SCLT1: variants seen among roughly 807,000 people sequenced by gnomAD.
The protein encoded by SCLT1 is sodium channel-associated protein 1.
In SCLT1, 78 loss-of-function variants were observed where a neutral mutation model predicts 112.8. The observed-to-expected ratio is 0.69, with a 90% CI of 0.58 to 0.83. The LOEUF is 0.83. SCLT1 is among the 40% of genes least tolerant of loss of function. The pLI is 0.00. For synonymous variants in SCLT1, 257 were observed against 254.7 expected (o/e 1.01, Z -0.09); for missense variants, 747 against 770.4 (o/e 0.97, Z 0.36).
chr4:128,942,963 T>G, intron 17 of SCLT1, 33 bp downstream of exon 17: 1 of 1,477,530 alleles, frequency 6.8e-7, no homozygotes, highest in Non-Finnish European at 9.3e-7. Flanking sequence ...TTGATTTTCA[T>G]AAGTACACAT....
chr4:129,025,345 G>A (rs1277350772), intron 5 of SCLT1, among the ~76,000 whole-genome samples: 8 of 152,210 alleles, frequency 5.3e-5, no homozygotes, highest in Non-Finnish European at 1.2e-4. Flanking sequence ...ACTAACAGCG[G>A]ATCTCTTGGC....
chr4:129,070,399 T>C (rs925269375), intron 2 of SCLT1, among the ~76,000 whole-genome samples: 7 of 152,128 alleles, frequency 4.6e-5, no homozygotes, highest in African/African-American at 1.7e-4. Flanking sequence ...ACTTTTTTTT[T>C]TGTTGGTAAT....
intron 15 of SCLT1, among the ~76,000 whole-genome samples, chr4:128,948,235 C>G (rs1005652934): frequency 1.4e-5 from 2 of 147,042 alleles, no homozygotes; most frequent in African/African-American, 5.0e-5. Context: ...ACTCAGGAGG[C>G]TGAGGCAGGA....
chr4:129,062,614 G>C (rs906871156), intron 2 of SCLT1, among the ~76,000 whole-genome samples: 5 of 152,014 alleles, frequency 3.3e-5, no homozygotes, highest in Middle Eastern at 3.2e-3. Flanking sequence ...TGCTTGTCTA[G>C]GAAAAGCTTT....
intron 5 of SCLT1, among the ~76,000 whole-genome samples, chr4:129,022,245 T>C (rs930871564): frequency 6.6e-6 from 1 of 152,102 alleles, no homozygotes; most frequent in Non-Finnish European, 1.5e-5. Context: ...CTGCTCCAAA[T>C]GATTGCAACT....
intron 18 of SCLT1, among the ~76,000 whole-genome samples, chr4:128,912,028 G>A (rs1355935684): frequency 1.3e-5 from 2 of 152,160 alleles, no homozygotes; most frequent in African/African-American, 2.4e-5. Context: ...GCAGGATGCT[G>A]AGCCCTAACC....
chr4:129,023,934 T>A (rs1410848003), intron 5 of SCLT1, among the ~76,000 whole-genome samples: 1 of 152,208 alleles, frequency 6.6e-6, no homozygotes, highest in Non-Finnish European at 1.5e-5. Flanking sequence ...TCTCGCTGAT[T>A]GCTAGCACAG....
chr4:129,044,141 A>C (rs1267586827), intron 2 of SCLT1, 90 bp from the exon 3 acceptor site: 1 of 655,634 alleles, frequency 1.5e-6, no homozygotes, highest in African/African-American at 1.9e-5. Context: ...TTAAATTTTC[A>C]TAATCTTAGA....
intron 18 of SCLT1, among the ~76,000 whole-genome samples, chr4:128,913,187 C>T (rs1322737430): frequency 6.6e-6 from 1 of 152,090 alleles, no homozygotes; most frequent in Non-Finnish European, 1.5e-5. Flanking sequence ...TTTTTTAAAA[C>T]AATTCTTTGT....
intron 5 of SCLT1, among the ~76,000 whole-genome samples, chr4:129,022,264 AC>A (rs572952637): frequency 1.0e-3 from 159 of 152,324 alleles, no homozygotes; most frequent in African/African-American, 3.7e-3. Flanking sequence ...CTCCTCTCCA[AC>A]AAGAGCACAA....
chr4:128,977,372 C>T lies in SCLT1; in HGVS notation c.687-6904G>A, dbSNP rs140017593. Reference sequence around the variant, plus strand: ...ACTATACCAAGTACTGTCTATTGAGCACCTACATGCACCATACGAAGCACT... The same window carrying T: ...ACTATACCAAGTACTGTCTATTGAGTACCTACATGCACCATACGAAGCACT... On this transcript the variant is annotated intron_variant, in intron 9 of 20. Transcript: ENST00000281142. Among the ~76,000 whole-genome samples the T allele has an allele frequency of 2.0e-3, 307 of 152,208 alleles. 1 individual carries two copies. Among genetic ancestry groups the T allele is most frequent in the African/African-American group, 7.1e-3 (294 of 41,540 alleles).
chr4:129,048,654 C>T (rs1342403606), intron 2 of SCLT1, among the ~76,000 whole-genome samples: 1 of 152,156 alleles, frequency 6.6e-6, no homozygotes. Context: ...TAAAGAGCTT[C>T]TGCATAGCAA....
chr4:128,876,316 TGAGA>T (rs1579266467), intron 4 of SCLT1, among the ~76,000 whole-genome samples: 1 of 152,282 alleles, frequency 6.6e-6, no homozygotes, highest in East Asian at 1.9e-4. Context: ...GTAAGACCCC[TGAGA>T]GAAACAACTG....
At chr4:128,966,963 A>T (rs1740254322) in intron 10 of SCLT1, among the ~76,000 whole-genome samples, 1 of 151,842 alleles carries the variant, frequency 6.6e-6, no homozygotes, top group Non-Finnish European at 1.5e-5. Flanking sequence ...CCACCTAGGT[A>T]ATGAGCATAG....
At chr4:129,049,946 G>C (rs1189447404) in intron 2 of SCLT1, among the ~76,000 whole-genome samples, 1 of 152,040 alleles carries the variant, frequency 6.6e-6, no homozygotes, top group Non-Finnish European at 1.5e-5. Flanking sequence ...GTGTCCCTGT[G>C]TTGTCATTGT....
intron 9 of SCLT1, among the ~76,000 whole-genome samples, chr4:128,979,906 T>C (rs1419450233): frequency 6.6e-6 from 1 of 152,212 alleles, no homozygotes; most frequent in Non-Finnish European, 1.5e-5. Flanking sequence ...CAGTGTGTTC[T>C]AGAAGTCTAA....
At chr4:129,044,538 C>G (rs954170618) in intron 2 of SCLT1, among the ~76,000 whole-genome samples, 1 of 151,608 alleles carries the variant, frequency 6.6e-6, no homozygotes, top group African/African-American at 2.4e-5. Context: ...CTATTCACTA[C>G]TATGATAAAC....
chr4:128,934,779 C>A (rs376163074), intron 18 of SCLT1, among the ~76,000 whole-genome samples: 1 of 151,646 alleles, frequency 6.6e-6, no homozygotes, highest in Non-Finnish European at 1.5e-5. Flanking sequence ...TTCTTTCTTT[C>A]GGTTTTGTCA....
At chr4:128,982,753 T>G (rs1741770756) in intron 9 of SCLT1, among the ~76,000 whole-genome samples, 1 of 150,938 alleles carries the variant, frequency 6.6e-6, no homozygotes, top group East Asian at 2.0e-4. Context: ...CCACCCGCCT[T>G]GGCCTCCGAA....
Sources: gnomAD v4.1 joint callset for allele counts (sites outside exome capture counted in the v4.1 genomes callset) on GRCh38, gnomAD v4.1.1 for gene constraint, MANE v1.5 for transcripts, NCBI Gene and HGNC (gene_info 2026-07-23, HGNC 2026-07-21) for gene names.